Variants in ANKS1B observed in about 807,000 individuals in gnomAD.
The protein encoded by ANKS1B is ankyrin repeat and sterile alpha motif domain-containing protein 1B.
In ANKS1B, 36 loss-of-function variants were observed where a neutral mutation model predicts 148.3. The ratio of observed to expected loss-of-function variants is 0.24; its 90% CI spans 0.19 to 0.32. ANKS1B has a LOEUF of 0.32. Among genes scored for constraint, ANKS1B ranks in the 10% least tolerant of loss-of-function variants. ANKS1B has a pLI of 1.00. For synonymous variants in ANKS1B, 542 were observed against 560.8 expected (o/e 0.97, Z 0.47); for missense variants, 1,157 against 1,542.6 (o/e 0.75, Z 4.19).
intron 2 of ANKS1B, among the ~76,000 whole-genome samples, chr12:99,816,678 T>C (rs1284678016): frequency 6.6e-6 from 1 of 151,778 alleles, no homozygotes; most frequent in African/African-American, 2.4e-5. Context: ...GTATCCCTGA[T>C]CAAATAAGTA....
At chr12:99,722,167 G>C (rs2058151518) in intron 8 of ANKS1B, among the ~76,000 whole-genome samples, 1 of 152,232 alleles carries the variant, frequency 6.6e-6, no homozygotes, top group Admixed American at 6.5e-5. Flanking sequence ...AGAAGCTGTA[G>C]CAAGTTATCC....
chr12:99,780,670 T>C (rs1372032697), intron 5 of ANKS1B, among the ~76,000 whole-genome samples: 1 of 152,156 alleles, frequency 6.6e-6, no homozygotes, highest in Non-Finnish European at 1.5e-5. Context: ...TGTGAATTCC[T>C]AAAGTATAAT....
chr12:98,821,763 A>G (rs2099194901), intron 19 of ANKS1B, among the ~76,000 whole-genome samples: 1 of 152,014 alleles, frequency 6.6e-6, no homozygotes. Flanking sequence ...ATCTGCCACC[A>G]TGCCCAGATA....
At chr12:99,422,152 C>A (rs1173062059) in intron 11 of ANKS1B, among the ~76,000 whole-genome samples, 3 of 152,104 alleles carry the variant, frequency 2.0e-5, no homozygotes, top group Non-Finnish European at 4.4e-5. Flanking sequence ...CCTAACACAC[C>A]AAGCAAAACA....
chr12:98,968,927 T>C (rs1197413293), intron 17 of ANKS1B, among the ~76,000 whole-genome samples: 1 of 152,200 alleles, frequency 6.6e-6, no homozygotes, highest in Non-Finnish European at 1.5e-5. Context: ...AGAGATATGT[T>C]AATAAAATTG....
chr12:98,888,139 T>C (rs898771004), intron 17 of ANKS1B, among the ~76,000 whole-genome samples: 2 of 152,238 alleles, frequency 1.3e-5, no homozygotes, highest in Admixed American at 6.5e-5. Flanking sequence ...AATTATTTAT[T>C]GTGATCATAT....
intron 25 of ANKS1B, among the ~76,000 whole-genome samples, chr12:98,757,939 T>TGTGTGTGTGTGTGTGCAC (rs1555259050): frequency 0.026 from 2,968 of 115,950 alleles, 37 homozygotes; most frequent in African/African-American, 0.036. Context: ...TGTGTGCACG[T>TGTGTGTGTGTGTGTGCAC]GTGTGTGTGT....
intron 15 of ANKS1B, among the ~76,000 whole-genome samples, chr12:99,114,825 G>A (rs1344651820): frequency 6.6e-6 from 1 of 151,674 alleles, no homozygotes; most frequent in Non-Finnish European, 1.5e-5. Context: ...GATATAAACC[G>A]ATACTTTTCT....
chr12:99,976,994 G>C (rs1005265587), intron 1 of ANKS1B, among the ~76,000 whole-genome samples: 1 of 152,204 alleles, frequency 6.6e-6, no homozygotes, highest in Admixed American at 6.5e-5. Context: ...GGGCAAGCAA[G>C]CATGGGCAAC....
intron 12 of ANKS1B, among the ~76,000 whole-genome samples, chr12:99,351,677 G>A (rs2091438044): frequency 6.6e-6 from 1 of 152,040 alleles, no homozygotes; most frequent in African/African-American, 2.4e-5. Context: ...CACGGTATAT[G>A]ACAAAGAACA....
intron 14 of ANKS1B, among the ~76,000 whole-genome samples, chr12:99,191,023 C>A (rs2080609285): frequency 6.6e-6 from 1 of 151,328 alleles, no homozygotes; most frequent in Admixed American, 6.6e-5. Context: ...ATAATCTCAT[C>A]AAAAAGTAGG....
At chr12:99,885,206 C>A (rs1376272054) in intron 1 of ANKS1B, among the ~76,000 whole-genome samples, 1 of 151,882 alleles carries the variant, frequency 6.6e-6, no homozygotes, top group African/African-American at 2.4e-5. Context: ...TCAGCTTAAA[C>A]GTTATTTTTT....
intron 12 of ANKS1B, among the ~76,000 whole-genome samples, chr12:99,310,902 A>T (rs2083052585): frequency 6.6e-6 from 1 of 151,954 alleles, no homozygotes; most frequent in South Asian, 2.1e-4. Context: ...TGCCTATGTG[A>T]CTCTCAGCAA....
At chr12:98,914,309 C>T (rs1224527094) in intron 17 of ANKS1B, among the ~76,000 whole-genome samples, 1 of 152,160 alleles carries the variant, frequency 6.6e-6, no homozygotes, top group East Asian at 1.9e-4. Context: ...CATGCCAGCA[C>T]CATTCTTCCT....
intron 6 of ANKS1B, among the ~76,000 whole-genome samples, chr12:99,777,819 C>T (rs1179927753): frequency 3.3e-5 from 5 of 151,644 alleles, no homozygotes; most frequent in African/African-American, 7.3e-5. Context: ...CTCCTGACCT[C>T]GTGATCCACC....
intron 11 of ANKS1B, among the ~76,000 whole-genome samples, chr12:99,417,385 C>T (rs1567061032): frequency 6.6e-6 from 1 of 152,148 alleles, no homozygotes; most frequent in Non-Finnish European, 1.5e-5. Context: ...TGGGTTCTCT[C>T]TTCTGTCCTA....
intron 17 of ANKS1B, among the ~76,000 whole-genome samples, chr12:98,888,332 C>T (rs1353041483): frequency 6.6e-6 from 1 of 152,202 alleles, no homozygotes; most frequent in African/African-American, 2.4e-5. Context: ...CACATCTCTC[C>T]CTTTTTCTTC....
At chr12:99,647,407 A>G (rs2098381115) in intron 9 of ANKS1B, among the ~76,000 whole-genome samples, 1 of 152,228 alleles carries the variant, frequency 6.6e-6, no homozygotes, top group South Asian at 2.1e-4. Context: ...CAATCTGTTT[A>G]CCAATTTATC....
intron 17 of ANKS1B, among the ~76,000 whole-genome samples, chr12:99,032,869 T>C (rs552374247): frequency 6.4e-4 from 98 of 152,356 alleles, no homozygotes; most frequent in Middle Eastern, 3.4e-3. Context: ...AAGTAAAGAA[T>C]TATTTCTCTG....
Sources: gnomAD v4.1 joint callset for allele counts (sites outside exome capture counted in the v4.1 genomes callset) on GRCh38, gnomAD v4.1.1 for gene constraint, MANE v1.5 for transcripts, NCBI Gene and HGNC (gene_info 2026-07-23, HGNC 2026-07-21) for gene names.